Variants in RIMS2 observed in about 807,000 individuals in gnomAD.
RIMS2 encodes regulating synaptic membrane exocytosis protein 2.
In RIMS2, 59 loss-of-function variants were observed where a neutral mutation model predicts 174.4. The ratio of observed to expected loss-of-function variants is 0.34; its 90% CI spans 0.27 to 0.42. RIMS2 has a LOEUF of 0.42. Among genes scored for constraint, RIMS2 ranks in the 10% least tolerant of loss-of-function variants. RIMS2 has a pLI of 1.00. For synonymous variants in RIMS2, 606 were observed against 572.5 expected, an observed-to-expected ratio of 1.06 and a Z score of -0.84; for missense variants, 1,620 against 1,666.3, an observed-to-expected ratio of 0.97 and a Z score of 0.48.
At chr8:103,784,921 T>G (rs1416205602) in intron 3 of RIMS2, among the ~76,000 whole-genome samples, 2 of 138,420 alleles carry the variant, frequency 1.4e-5, no homozygotes, top group African/African-American at 5.5e-5. Context: ...TTCTTCCATT[T>G]GTTTGTATCC....
intron 19 of RIMS2, among the ~76,000 whole-genome samples, chr8:104,048,893 T>G (rs997886185): frequency 2.0e-5 from 3 of 152,192 alleles, no homozygotes; most frequent in African/African-American, 7.2e-5. Context: ...TAACTCTTTA[T>G]GATTTATGTT....
At chr8:103,794,111 G>A (rs1484658302) in intron 3 of RIMS2, among the ~76,000 whole-genome samples, 2 of 151,922 alleles carry the variant, frequency 1.3e-5, no homozygotes, top group African/African-American at 4.8e-5. Flanking sequence ...CCAAAAAAGA[G>A]CCCACATTGC....
At chr8:103,976,148 A>G (rs1248402944) in intron 16 of RIMS2, 1 of 152,248 alleles carries the variant, frequency 6.6e-6, no homozygotes, top group Non-Finnish European at 1.5e-5. Context: ...TATTTATCAC[A>G]TATCGGTAAT....
At chr8:103,951,819 C>G (rs991580817) in intron 14 of RIMS2, among the ~76,000 whole-genome samples, 3 of 152,354 alleles carry the variant, frequency 2.0e-5, no homozygotes, top group Non-Finnish European at 4.4e-5. Flanking sequence ...GCGGATCCCA[C>G]CTCAATGGAG....
chr8:104,100,131 C>T (rs1439501374), intron 19 of RIMS2, among the ~76,000 whole-genome samples: 1 of 152,028 alleles, frequency 6.6e-6, no homozygotes, highest in Non-Finnish European at 1.5e-5. Flanking sequence ...TCTTTATTTT[C>T]TTGCAATGAT....
intron 3 of RIMS2, among the ~76,000 whole-genome samples, chr8:103,816,273 A>C (rs3956332): frequency 0.4 from 61,049 of 151,862 alleles, 12,709 homozygotes; most frequent in African/African-American, 0.44. Context: ...TAAAATAAAC[A>C]CTGTAGAAAC....
At chr8:104,056,974 C>A (rs142471592) in intron 19 of RIMS2, among the ~76,000 whole-genome samples, 7 of 152,102 alleles carry the variant, frequency 4.6e-5, no homozygotes, top group African/African-American at 1.7e-4. Context: ...CCCGTCAACT[C>A]TGTGGTGGTT....
At chr8:104,002,349 C>G (rs186233284) in intron 17 of RIMS2, among the ~76,000 whole-genome samples, 1 of 152,182 alleles carries the variant, frequency 6.6e-6, no homozygotes, top group African/African-American at 2.4e-5. Context: ...ATCCTCAATT[C>G]TCTTGCTGCA....
intron 19 of RIMS2, among the ~76,000 whole-genome samples, chr8:104,129,883 A>G (rs973591854): frequency 3.3e-5 from 5 of 152,196 alleles, no homozygotes; most frequent in African/African-American, 9.7e-5. Flanking sequence ...TACAGATAAT[A>G]TGTGTTAATT....
intron 1 of RIMS2, among the ~76,000 whole-genome samples, chr8:103,691,803 C>T (rs2097029086): frequency 6.6e-6 from 1 of 152,082 alleles, no homozygotes; most frequent in African/African-American, 2.4e-5. Context: ...TCTTCACAGT[C>T]TGGGGTTGTT....
At chr8:103,864,748 T>C (rs377682160) in intron 3 of RIMS2, among the ~76,000 whole-genome samples, 148 of 152,326 alleles carry the variant, frequency 9.7e-4, no homozygotes, top group African/African-American at 3.4e-3. Flanking sequence ...AATAGATCAG[T>C]AAACTGAAGT....
At chr8:103,649,371 AT>A (rs35968458) in intron 1 of RIMS2, among the ~76,000 whole-genome samples, 1 of 151,470 alleles carries the variant, frequency 6.6e-6, no homozygotes, top group Admixed American at 6.6e-5. Flanking sequence ...TGCCTTTAAC[AT>A]TTTTTTCTTT....
rs546835348 is a variant in RIMS2 at position 103,837,582 on chromosome 8, A to G, written c.699-47716A>G. ...TGTGTCCATGTGTTCTCATTGTTCA[A>G]TTCCCACCTATGAGTGAGAACATGC... On this transcript the variant is annotated intron_variant, in intron 3 of 23. Coordinates refer to ENST00000504942, the Ensembl canonical transcript of RIMS2. 6.6e-5 allele frequency among the ~76,000 whole-genome samples: 10 copies of G among 152,172 alleles called. No individual in the cohort carries two copies. The East Asian group carries it at 1.9e-3, about 29-fold the overall frequency.
At chr8:103,654,589 A>G (rs2096499911) in intron 1 of RIMS2, among the ~76,000 whole-genome samples, 1 of 151,880 alleles carries the variant, frequency 6.6e-6, no homozygotes, top group Non-Finnish European at 1.5e-5. Context: ...TTTGGTATGT[A>G]ATTTTCTAGA....
rs2095649866 is a variant in RIMS2 at position 103,622,140 on chromosome 8, G to T, written c.177-74946G>T. Among the ~76,000 whole-genome samples, 3 of 151,970 alleles carry T rather than the reference G, an allele frequency of 2.0e-5. No homozygotes were observed. The South Asian group carries it at 6.2e-4, about 32-fold the overall frequency. On this transcript the variant is annotated intron_variant, in intron 1 of 23. Coordinates refer to ENST00000504942, the Ensembl canonical transcript of RIMS2. Reference sequence around the variant, plus strand: ...GGTTATTACCCTTTACAGAAGAGAAGACAAAAGTAAATTATGAAGAAAGAA... The same window carrying T: ...GGTTATTACCCTTTACAGAAGAGAATACAAAAGTAAATTATGAAGAAAGAA...
chr8:103,860,139 T>C (rs1305361692), intron 3 of RIMS2, among the ~76,000 whole-genome samples: 1 of 152,134 alleles, frequency 6.6e-6, no homozygotes, highest in Non-Finnish European at 1.5e-5. Context: ...CAGAACATAG[T>C]TGAAAGCACT....
chr8:103,608,323 C>T (rs2095222918), intron 1 of RIMS2, among the ~76,000 whole-genome samples: 2 of 143,378 alleles, frequency 1.4e-5, no homozygotes, highest in Non-Finnish European at 3.1e-5. Flanking sequence ...GGGTCAGGGA[C>T]CCACTTGAGG....
intron 2 of RIMS2, among the ~76,000 whole-genome samples, chr8:103,764,460 T>G (rs1373477068): frequency 6.6e-6 from 1 of 152,190 alleles, no homozygotes; most frequent in East Asian, 1.9e-4. Context: ...TTAAAAGAGA[T>G]CTGTAGTACC....
intron 1 of RIMS2, among the ~76,000 whole-genome samples, chr8:103,563,182 C>G (rs1450289638): frequency 6.6e-6 from 1 of 152,240 alleles, no homozygotes; most frequent in African/African-American, 2.4e-5. Context: ...ATTTCTGCAG[C>G]TGGCTTGAAT....
Sources: gnomAD v4.1 joint callset for allele counts (sites outside exome capture counted in the v4.1 genomes callset) on GRCh38, gnomAD v4.1.1 for gene constraint, MANE v1.5 for transcripts, NCBI Gene and HGNC (gene_info 2026-07-23, HGNC 2026-07-21) for gene names.